The following XKR6 variants were observed in gnomAD, a reference collection of about 807,000 sequenced individuals.
XKR6 encodes the protein XK related 6, also known as XK-related protein 6.
Under a neutral mutation model 56.7 loss-of-function variants are expected in XKR6, and 22 were observed. That is an observed-to-expected ratio of 0.39 (90% CI 0.28 to 0.55). XKR6 has a LOEUF of 0.55. Ranked by LOEUF, XKR6 falls within the 20% of genes least tolerant of loss-of-function variation. The pLI, the probability that XKR6 is intolerant of heterozygous loss-of-function variation, is 0.66. For missense variants in XKR6, 852 were observed against 889.0 expected, an observed-to-expected ratio of 0.96 and a Z score of 0.53; for synonymous variants, 524 against 387.8, an observed-to-expected ratio of 1.35 and a Z score of -4.13.
intron 1 of XKR6, chr8:11,035,383 C>T: frequency 3.8e-6 from 2 of 527,526 alleles, no homozygotes; most frequent in Admixed American, 3.9e-5. Flanking sequence ...GGGCTCTTTG[C>T]ACTTCAGGCA....
At chr8:10,937,827 G>A (rs1801258914) in intron 1 of XKR6, among the ~76,000 whole-genome samples, 1 of 151,930 alleles carries the variant, frequency 6.6e-6, no homozygotes, top group African/African-American at 2.4e-5. Context: ...GGACATTTAA[G>A]TCTGCAGAGA....
rs200155479 is a variant in XKR6, at chr8:11,190,187, G to C, written c.764+10389C>G. Among the ~76,000 whole-genome samples the C allele has an allele frequency of 6.5e-3, 444 of 68,404 alleles. 9 individuals are homozygous for C. The highest frequency in any genetic ancestry group is 0.041 in the South Asian group (101 of 2,492). 44.9% of individuals were successfully genotyped at this position (68,404 alleles called of 152,430 possible). On this transcript the variant is annotated intron_variant, in intron 1 of 2. Transcript: ENST00000416569. ...AAAGAAAGAAAGAAAAGAAAGAAAA[G>C]AAAGAAAGAAAGAAAGAAAAGAAAG...
chr8:11,075,983 C>T (rs572418968), intron 1 of XKR6, among the ~76,000 whole-genome samples: 3 of 152,192 alleles, frequency 2.0e-5, no homozygotes, highest in Non-Finnish European at 4.4e-5. Context: ...CGTCACTTGA[C>T]ACATGAATGG....
rs368854760 is a variant in XKR6 at position 10,975,385 on chromosome 8, C to T, written c.765-50555G>A. 5.5e-4 allele frequency among the ~76,000 whole-genome samples: 84 copies of T among 152,346 alleles called. 1 individual carries two copies. The highest frequency in any genetic ancestry group is 1.8e-3 in the African/African-American group (74 of 41,572). ...AACAAGTCCAGTGTCCTCCCCAGCG[C>T]GCCTAAAGGCAGGTGCAGGTGCACT... On this transcript the variant is annotated intron_variant, in intron 1 of 2. Coordinates refer to ENST00000416569, the MANE Select transcript of XKR6 (RefSeq NM_173683.4).
chr8:11,103,030 T>G (rs1487905949), intron 1 of XKR6, among the ~76,000 whole-genome samples: 2 of 152,208 alleles, frequency 1.3e-5, no homozygotes, highest in African/African-American at 4.8e-5. Context: ...AATTCTCATT[T>G]TTTTGCCAGA....
intron 1 of XKR6, among the ~76,000 whole-genome samples, chr8:10,944,122 A>T (rs1440837309): frequency 6.6e-6 from 1 of 151,916 alleles, no homozygotes; most frequent in Non-Finnish European, 1.5e-5. Context: ...CCAGCCCACC[A>T]CGGTAACATC....
intron 1 of XKR6, among the ~76,000 whole-genome samples, chr8:10,934,733 A>G (rs1182050147): frequency 7.1e-6 from 1 of 141,188 alleles, no homozygotes; most frequent in Non-Finnish European, 1.6e-5. Flanking sequence ...CCAGCCTTGC[A>G]TCCCAGGGAT....
At chr8:11,110,921 C>G (rs1798862316) in intron 1 of XKR6, among the ~76,000 whole-genome samples, 1 of 151,702 alleles carries the variant, frequency 6.6e-6, no homozygotes, top group Non-Finnish European at 1.5e-5. Context: ...ACTGCAAGCT[C>G]CGCCTCCCAG....
At chr8:11,055,048 T>C (rs1233666688) in intron 1 of XKR6, among the ~76,000 whole-genome samples, 1 of 152,200 alleles carries the variant, frequency 6.6e-6, no homozygotes, top group African/African-American at 2.4e-5. Flanking sequence ...GCTTGGATGT[T>C]TGTGGGAGGA....
intron 2 of XKR6, among the ~76,000 whole-genome samples, chr8:10,908,902 C>T (rs566069020): frequency 5.9e-5 from 9 of 152,286 alleles, no homozygotes; most frequent in East Asian, 1.9e-4. Flanking sequence ...CGGTGGCTCA[C>T]GCCTGTAATC....
intron 2 of XKR6, among the ~76,000 whole-genome samples, chr8:10,904,206 C>T (rs912051356): frequency 6.6e-6 from 1 of 152,246 alleles, no homozygotes; most frequent in African/African-American, 2.4e-5. Flanking sequence ...CAGGAGGCAG[C>T]GCTGGCAGCA....
chr8:11,093,759 T>C (rs1056383196), intron 1 of XKR6, among the ~76,000 whole-genome samples: 4 of 152,202 alleles, frequency 2.6e-5, no homozygotes, highest in African/African-American at 4.8e-5. Context: ...CCCTTTATAC[T>C]TCAGGGTCTT....
At chr8:11,138,839 C>T (rs961285468) in intron 1 of XKR6, among the ~76,000 whole-genome samples, 1 of 151,350 alleles carries the variant, frequency 6.6e-6, no homozygotes, top group African/African-American at 2.4e-5. Flanking sequence ...TCTAAACAGG[C>T]AAACTATATA....
At chr8:11,065,680 C>A (rs960404341) in intron 1 of XKR6, among the ~76,000 whole-genome samples, 1 of 152,038 alleles carries the variant, frequency 6.6e-6, no homozygotes, top group East Asian at 1.9e-4. Flanking sequence ...TCCTCTCATT[C>A]CACGTGAACT....
At chr8:10,936,099 A>G (rs1435630352) in intron 1 of XKR6, among the ~76,000 whole-genome samples, 2 of 150,212 alleles carry the variant, frequency 1.3e-5, no homozygotes, top group African/African-American at 2.4e-5. Context: ...TTGGGTGCAT[A>G]TATATTTAGG....
At chr8:10,965,524 G>A (rs1198837284) in intron 1 of XKR6, among the ~76,000 whole-genome samples, 1 of 152,206 alleles carries the variant, frequency 6.6e-6, no homozygotes, top group African/African-American at 2.4e-5. Context: ...GAACATTCTC[G>A]GTACATACTC....
chr8:11,064,689 C>A (rs1425762913), intron 1 of XKR6, among the ~76,000 whole-genome samples: 1 of 152,182 alleles, frequency 6.6e-6, no homozygotes, highest in African/African-American at 2.4e-5. Flanking sequence ...TATAATTCTT[C>A]CACTTCCGAA....
intron 1 of XKR6, chr8:11,138,514 T>A (rs1800519254): frequency 6.6e-6 from 1 of 152,222 alleles, no homozygotes; most frequent in Admixed American, 6.5e-5. Flanking sequence ...CTACATTAGT[T>A]TTCCATTCTA....
intron 1 of XKR6, among the ~76,000 whole-genome samples, chr8:11,110,601 G>A (rs939143529): frequency 3.9e-5 from 6 of 152,070 alleles, no homozygotes; most frequent in African/African-American, 1.4e-4. Flanking sequence ...TTAAAAGTCA[G>A]TCTTTCCCTG....
Sources: gnomAD v4.1 joint callset for allele counts (sites outside exome capture counted in the v4.1 genomes callset) on GRCh38, gnomAD v4.1.1 for gene constraint, MANE v1.5 for transcripts, NCBI Gene and HGNC (gene_info 2026-07-23, HGNC 2026-07-21) for gene names.